Variants in CDC20 observed in about 807,000 individuals in gnomAD.
The protein encoded by CDC20 is cell division cycle protein 20 homolog.
A neutral mutation model predicts 60.0 loss-of-function variants in CDC20; 34 were observed. The observed-to-expected ratio is 0.57, with a 90% CI of 0.43 to 0.75. The LOEUF is 0.75. CDC20 is among the 30% of genes least tolerant of loss of function. The pLI, the probability that CDC20 is intolerant of heterozygous loss-of-function variation, is 0.00. For missense variants in CDC20, 469 were observed against 647.3 expected (o/e 0.72, Z 2.99); for synonymous variants, 198 against 243.5 (o/e 0.81, Z 1.74).
At chr1:43,361,272 C>A in intron 9 of CDC20, 27 bp downstream of exon 9, 1 of 1,551,298 alleles carries the variant, frequency 6.4e-7, no homozygotes, top group Non-Finnish European at 8.7e-7. Context: ...TCCTGCCTCT[C>A]CCACATGCAT....
In CDC20 at chr1:43,359,949, G is replaced by A. The variant is rs752362380; in HGVS notation, c.428-20G>A. 4.3e-6 allele frequency: 7 copies of A among 1,613,888 alleles called. No homozygotes were observed. In the East Asian group the frequency reaches 1.3e-4, roughly 31 times the overall value. On this transcript the variant is annotated intron_variant, in intron 4 of 10. Coordinates refer to ENST00000310955, the MANE Select transcript of CDC20 (RefSeq NM_001255.3). ...GAGGTGTTGATTTTCCCAGCGTCTA[G>A]ACTCACTCCGTTGCCACAGGTTATC...
intron 9 of CDC20, 132 bp from the exon 10 acceptor site, chr1:43,362,063 C>G (rs1428253820): frequency 1.7e-6 from 1 of 585,550 alleles, no homozygotes; most frequent in Non-Finnish European, 3.1e-6. Context: ...TCTCAAGGAA[C>G]TTTTGTATGG....
At chr1:43,361,004 A>G in intron 8 of CDC20, 43 bp downstream of exon 8, 1 of 1,593,256 alleles carries the variant, frequency 6.3e-7, no homozygotes, top group Non-Finnish European at 8.6e-7. Context: ...CCTCACCTAT[A>G]ATCTGGGGAC....
chr1:43,360,044 T>C lies in CDC20; in HGVS notation c.503T>C (p.Ile168Thr). The change falls in exon 5 of 11, where the codon ATT becomes ACT. Residue 168 changes from isoleucine to threonine, a missense_variant. This residue lies in a region of CDC20 where 255 missense variants were observed against 326.7 expected (regional missense o/e 0.78). Transcript: ENST00000310955. ...TCCAGCCGGAAGACCTGCCGTTACA[T>C]TCCTTCCCTGCCAGACCGTATCCTG... ...PGSSRKTCRYIPSLPDRILDA... is the reference protein window; with the variant it reads ...PGSSRKTCRYTPSLPDRILDA... 6.2e-7 allele frequency: 1 copy of C among 1,614,232 alleles called. No individual in the cohort carries two copies. Among genetic ancestry groups the C allele is most frequent in the South Asian group, 1.1e-5 (1 of 91,092 alleles).
At chr1:43,362,925 G>GT (rs1353266970) in intron 10 of CDC20, 26 bp from the exon 11 acceptor site, 3 of 1,551,882 alleles carry the variant, frequency 1.9e-6, no homozygotes, top group African/African-American at 2.8e-5. Context: ...ATCAGCATTC[G>GT]TATGTACTGT....
intron 9 of CDC20, 32 bp downstream of exon 9, chr1:43,361,277 A>G (rs1469458502): frequency 2.0e-6 from 3 of 1,536,634 alleles, no homozygotes; most frequent in Admixed American, 2.0e-5. Context: ...CCTCTCCCAC[A>G]TGCATTCTTA....
At position 43,362,958 on chromosome 1, in the gene CDC20, A is replaced by T; in HGVS notation, c.1329A>T (p.Thr443=). Residue 443 remains threonine, a synonymous_variant, in exon 11 of 11, where the codon ACA becomes ACT. Coordinates refer to ENST00000310955, the MANE Select transcript of CDC20 (RefSeq NM_001255.3). ...MAKVAELKGH[T]SRVLSLTMSP... is the part of the protein sequence containing the mutation. ...TGTTCTCATTTGCTCCAGGTCACACATCCCGGGTCCTGAGTCTGACCATGA... is the reference window on the plus strand; with the variant it reads ...TGTTCTCATTTGCTCCAGGTCACACTTCCCGGGTCCTGAGTCTGACCATGA... 1 of 1,591,990 alleles carries T rather than the reference A, an allele frequency of 6.3e-7. No individual in the cohort carries two copies. Among genetic ancestry groups the T allele is most frequent in the Non-Finnish European group, 8.5e-7 (1 of 1,173,184 alleles).
chr1:43,362,634 G>A (rs1029459181), intron 10 of CDC20, among the ~76,000 whole-genome samples: 1 of 152,160 alleles, frequency 6.6e-6, no homozygotes, highest in African/African-American at 2.4e-5. Context: ...GGAGGCTGAG[G>A]CGGGCAGATC....
rs747980505 is a variant in CDC20 at position 43,362,187 on chromosome 1, C to T, written c.1204-8C>T. The T allele has an allele frequency of 6.3e-7, 1 of 1,575,302 alleles. No homozygotes were observed. Among genetic ancestry groups the T allele is most frequent in the Non-Finnish European group, 8.7e-7 (1 of 1,145,342 alleles). ...ATATGTCATGCCCACACCAGCTCCTCTCCACAGGTGTGCTCCATCCTCTGG... is the reference window on the plus strand; with the variant it reads ...ATATGTCATGCCCACACCAGCTCCTTTCCACAGGTGTGCTCCATCCTCTGG... On this transcript the variant is annotated splice_polypyrimidine_tract_variant and splice_region_variant and intron_variant, in intron 9 of 10. Transcript: ENST00000310955.
chr1:43,359,604 A>G lies in CDC20; in HGVS notation c.296A>G (p.Asn99Ser), dbSNP rs1444745607. 6.2e-7 allele frequency: 1 copy of G among 1,613,862 alleles called. No homozygotes were observed. Among genetic ancestry groups the G allele is most frequent in the East Asian group, 2.2e-5 (1 of 44,898 alleles). The change falls in exon 3 of 11, where the codon AAC becomes AGC. Residue 99 changes from asparagine to serine, a missense_variant. Physicochemically the swap from Asn to Ser is conservative, Grantham distance 46. This residue lies in a region of CDC20 where 115 missense variants were observed against 156.1 expected (regional missense o/e 0.74). Transcript: ENST00000310955. ...EVASFLLSKE[N>S]QPENSQTPTK... is the part of the protein sequence containing the mutation. Reference sequence around the variant, plus strand: ...GCCAGCTTCCTCCTGAGCAAGGAGAACCAGCCTGAAAACAGCCAGACGCCC... The same window carrying G: ...GCCAGCTTCCTCCTGAGCAAGGAGAGCCAGCCTGAAAACAGCCAGACGCCC...
In CDC20 at chr1:43,360,487, TTC is replaced by T; in HGVS notation, c.754-4_754-3del. 1.2e-6 allele frequency: 2 copies of T among 1,610,774 alleles called. No homozygotes were observed. The highest frequency in any genetic ancestry group is 8.5e-7 in the Non-Finnish European group (1 of 1,176,934). ...GTCCCAATCTCTGATCCTAGTGGGC[TTC>T]TCTCTCTAGCTATGGGATGTGCAGC... On this transcript the variant is annotated splice_polypyrimidine_tract_variant and intron_variant, in intron 6 of 10. Transcript: ENST00000310955.
rs762903565 is a variant in CDC20, at chr1:43,360,513, G to A, written c.768G>A (p.Gln256=). ...TCTCTCTCTAGCTATGGGATGTGCA[G>A]CAGCAGAAACGGCTTCGAAATATGA... ...SSAEVQLWDV[Q]QQKRLRNMTS... The change falls in exon 7 of 11, where the codon CAG becomes CAA. Residue 256 remains glutamine, a synonymous_variant. Coordinates refer to ENST00000310955, the MANE Select transcript of CDC20 (RefSeq NM_001255.3). 7.4e-6 allele frequency: 12 copies of A among 1,614,040 alleles called. No individual in the cohort carries two copies. In the South Asian group the frequency reaches 1.2e-4, roughly 16 times the overall value.
rs1262282932 is a variant in CDC20 at position 43,363,175 on chromosome 1, C to T, written c.*46C>T. ...TTGTTTTTTATTTTTCTAATAAAGTCATGTCTCCCTTCATGTTTTTTTTTT... is the reference window on the plus strand; with the variant it reads ...TTGTTTTTTATTTTTCTAATAAAGTTATGTCTCCCTTCATGTTTTTTTTTT... On this transcript the variant is annotated 3_prime_UTR_variant, in exon 11 of 11. Transcript: ENST00000310955. 14 of 1,532,012 alleles carry T rather than the reference C, an allele frequency of 9.1e-6. No homozygotes were observed. Among genetic ancestry groups the T allele is most frequent in the Non-Finnish European group, 9.8e-6 (11 of 1,117,072 alleles). 94.9% of individuals were successfully genotyped at this position (1,532,012 alleles called of 1,614,324 possible).
intron 10 of CDC20, among the ~76,000 whole-genome samples, 158 bp downstream of exon 10, chr1:43,362,470 A>G (rs1232811676): frequency 6.6e-6 from 1 of 152,254 alleles, no homozygotes; most frequent in Admixed American, 6.5e-5. Flanking sequence ...TAGTTTTAAC[A>G]GTTGTACAAT....
At chr1:43,359,092 C>T (rs1050764571) in intron 1 of CDC20, 75 bp from the exon 2 acceptor site, 3 of 990,178 alleles carry the variant, frequency 3.0e-6, no homozygotes, top group Admixed American at 2.0e-5. Context: ...CCGAGGGTGG[C>T]CCTGATTTTG....
Position 43,360,482 on chromosome 1 carries a change from T to C in CDC20, c.754-17T>C, listed in dbSNP as rs1189962401. The C allele has an allele frequency of 1.2e-6, 2 of 1,611,198 alleles. No individual in the cohort carries two copies. The highest frequency in any genetic ancestry group is 2.2e-5 in the East Asian group (1 of 44,874). The stretch of plus-strand genomic sequence containing the variant: ...GCCAAGTCCCAATCTCTGATCCTAG[T>C]GGGCTTCTCTCTCTAGCTATGGGAT... On this transcript the variant is annotated splice_polypyrimidine_tract_variant and intron_variant, in intron 6 of 10. Transcript: ENST00000310955.
rs1570481065 is a variant in CDC20 at position 43,359,775 on chromosome 1, A to G, written c.381A>G (p.Glu127=). The change falls in exon 4 of 11, where the codon GAA becomes GAG. Residue 127 remains glutamate, a synonymous_variant. Coordinates refer to ENST00000310955, the MANE Select transcript of CDC20 (RefSeq NM_001255.3). ...ACCTGAACGGTTTTGATGTAGAGGA[A>G]GCCAAGATCCTTCGGCTCAGTGGAA... ...ALNLNGFDVE[E]AKILRLSGKP... is the part of the protein sequence containing the mutation. The G allele has an allele frequency of 6.2e-7, 1 of 1,613,956 alleles. No individual in the cohort carries two copies. Among genetic ancestry groups the G allele is most frequent in the East Asian group, 2.2e-5 (1 of 44,892 alleles).
intron 3 of CDC20, 36 bp from the exon 4 acceptor site, chr1:43,359,689 A>G: frequency 6.2e-7 from 1 of 1,613,756 alleles, no homozygotes; most frequent in Non-Finnish European, 8.5e-7. Flanking sequence ...TTCTTTGGAT[A>G]ATACCATCTT....
At chr1:43,362,867 CAA>C (rs1185201461) in intron 10 of CDC20, 82 bp from the exon 11 acceptor site, 1 of 1,070,798 alleles carries the variant, frequency 9.3e-7, no homozygotes, top group East Asian at 2.6e-5. Context: ...TCAAAAAAAA[CAA>C]AAAGGTAGGT....
Sources: allele counts gnomAD v4.1 joint callset (sites outside exome capture counted in the v4.1 genomes callset), GRCh38; gene constraint gnomAD v4.1.1; regional missense constraint gnomAD v4.1.1; transcripts MANE v1.5; gene names NCBI Gene and HGNC (gene_info 2026-07-23, HGNC 2026-07-21).